MPC1: variants seen among roughly 807,000 people sequenced by gnomAD.
MPC1 encodes the protein mitochondrial pyruvate carrier 1.
MPC1 carries 6 observed loss-of-function variants against 13.9 expected under a neutral mutation model. The ratio of observed to expected loss-of-function variants is 0.43; its 90% CI spans 0.24 to 0.85. The LOEUF is 0.85. Ranked by LOEUF, MPC1 falls within the 40% of genes least tolerant of loss-of-function variation. The probability of loss-of-function intolerance (pLI) is 0.24; values close to 1 mark genes in which losing one functional copy is unlikely to be tolerated. For synonymous variants in MPC1, 47 were observed against 50.5 expected, an observed-to-expected ratio of 0.93 and a Z score of 0.29; for missense variants, 115 against 143.3, an observed-to-expected ratio of 0.80 and a Z score of 1.01.
chr6:166,370,462 T>G, intron 1 of MPC1: 1 of 504,004 alleles, frequency 2.0e-6, no homozygotes, highest in Non-Finnish European at 3.5e-6. Context: ...GGAAAATAAG[T>G]GCAATCCTTA....
Position 166,365,751 on chromosome 6 carries a change from A to C in MPC1, c.305+223T>G, listed in dbSNP as rs931902570. On this transcript the variant is annotated intron_variant, in intron 4 of 4. Transcript: ENST00000360961. The surrounding 1 kb of genome is among the most constrained non-coding windows in gnomAD (Gnocchi z 4.2). Reference sequence around the variant, plus strand: ...TTTGAGTGTCATGTTGGCACTCTAAAGGTTTCATATTTTGGAGCATTTCAG... The same window carrying C: ...TTTGAGTGTCATGTTGGCACTCTAACGGTTTCATATTTTGGAGCATTTCAG... Among the ~76,000 whole-genome samples the C allele has an allele frequency of 6.6e-6, 1 of 152,206 alleles. No individual in the cohort carries two copies. Among genetic ancestry groups the C allele is most frequent in the African/African-American group, 2.4e-5 (1 of 41,450 alleles).
chr6:166,372,845 T>C (rs1776476534), intron 1 of MPC1, among the ~76,000 whole-genome samples: 1 of 152,236 alleles, frequency 6.6e-6, no homozygotes, highest in Admixed American at 6.5e-5. Flanking sequence ...TTCTCTTTAT[T>C]TGGTATGCTG....
intron 1 of MPC1, among the ~76,000 whole-genome samples, chr6:166,376,080 T>C (rs1469041696): frequency 2.0e-5 from 3 of 152,208 alleles, no homozygotes; most frequent in African/African-American, 7.2e-5. Context: ...ACATTAAAGA[T>C]TGTTACCTGT....
chr6:166,378,842 C>G (rs1779663252), intron 1 of MPC1, among the ~76,000 whole-genome samples: 1 of 152,160 alleles, frequency 6.6e-6, no homozygotes, highest in Non-Finnish European at 1.5e-5. Context: ...AAATTGAACA[C>G]TTACTTTTGT....
intron 1 of MPC1, among the ~76,000 whole-genome samples, chr6:166,377,406 T>C (rs2114972709): frequency 6.6e-6 from 1 of 152,296 alleles, no homozygotes; most frequent in East Asian, 1.9e-4. Context: ...GCAGGCAGGC[T>C]GAACCAGGAG....
At chr6:166,367,682 A>G (rs551763679) in intron 2 of MPC1, among the ~76,000 whole-genome samples, 158 of 152,354 alleles carry the variant, frequency 1.0e-3, no homozygotes, top group African/African-American at 3.7e-3. Flanking sequence ...ATTAAAGATG[A>G]AAAATTGTTT....
chr6:166,366,002 T>G lies in MPC1; in HGVS notation c.277A>C (p.Ile93Leu). 1 of 1,613,976 alleles carries G rather than the reference T, an allele frequency of 6.2e-7. No homozygotes were observed. Among genetic ancestry groups the G allele is most frequent in the Non-Finnish European group, 8.5e-7 (1 of 1,179,860 alleles). The part of the protein sequence containing the change: ...CHATNEVAQL[I>L]QGGRLIKHEM... ...TGTTTGATAAGCCGCCCTCCCTGGA[T>G]GAGCTGGGCTACTTCATTTGTTGCG... Residue 93 changes from isoleucine to leucine, a missense_variant, in exon 4 of 5, where the codon ATC (isoleucine) becomes CTC (leucine). By Grantham distance (5) the Ile-to-Leu change is conservative. Transcript: ENST00000360961.
intron 1 of MPC1, among the ~76,000 whole-genome samples, chr6:166,373,956 CTTA>C (rs1350239641): frequency 1.3e-5 from 2 of 152,024 alleles, no homozygotes; most frequent in Non-Finnish European, 2.9e-5. Flanking sequence ...TAGTTCCTTT[CTTA>C]TTGTTGAGTT....
Position 166,371,350 on chromosome 6 carries a change from A to T in MPC1, c.72-1129T>A, listed in dbSNP as rs1384830782. ...AAAAATGTCAATGCTGTTTTCCAGA[A>T]TGTTAAATTTAAAAATACACCAAAA... On this transcript the variant is annotated intron_variant, in intron 1 of 4. Coordinates refer to ENST00000360961, the MANE Select transcript of MPC1 (RefSeq NM_016098.4). Among the ~76,000 whole-genome samples the T allele has an allele frequency of 2.0e-5, 3 of 152,236 alleles. No individual in the cohort carries two copies. The East Asian group carries it at 5.8e-4, about 29-fold the overall frequency.
intron 3 of MPC1, 88 bp downstream of exon 3, chr6:166,366,707 T>G: frequency 7.9e-7 from 1 of 1,263,000 alleles, no homozygotes; most frequent in Non-Finnish European, 1.2e-6. Context: ...TAATAGTGAC[T>G]GTAACATCTA....
chr6:166,378,224 A>G (rs1402640138), intron 1 of MPC1, among the ~76,000 whole-genome samples: 1 of 152,250 alleles, frequency 6.6e-6, no homozygotes, highest in Non-Finnish European at 1.5e-5. Context: ...GGTAGTAAGT[A>G]TAAATTCTGA....
Position 166,366,058 on chromosome 6 carries a change from T to C in MPC1, c.221A>G (p.Gln74Arg), listed in dbSNP as rs763207802. 1.2e-6 allele frequency: 2 copies of C among 1,614,142 alleles called. No homozygotes were observed. Among genetic ancestry groups the C allele is most frequent in the African/African-American group, 1.3e-5 (1 of 75,058 alleles). ...LTFMRFAYKV[Q>R]PRNWLLFACH... ...TGCAAACAGAAGCCAGTTCCGAGGC[T>C]GTACCTTGTAGGCAAATCTCATGAA... Residue 74 changes from glutamine (Q) to arginine (R), a missense_variant, in exon 4 of 5, where the codon CAG becomes CGG. Physicochemically the swap from Gln to Arg is conservative, Grantham distance 43. Transcript: ENST00000360961.
Position 166,382,914 on chromosome 6 carries a change from C to T in MPC1, c.-38G>A. 1 of 1,571,334 alleles carries T rather than the reference C, an allele frequency of 6.4e-7. No homozygotes were observed. Among genetic ancestry groups the T allele is most frequent in the Non-Finnish European group, 8.6e-7 (1 of 1,160,866 alleles). ...ACCAGACCCCGAGTGGTCCCTGCCT[C>T]TGCTGCCGCTTCCCAGAGCCAATGA... On this transcript the variant is annotated 5_prime_UTR_variant, in exon 1 of 5. Transcript: ENST00000360961.
chr6:166,377,287 A>C (rs1277582209), intron 1 of MPC1, among the ~76,000 whole-genome samples: 2 of 152,030 alleles, frequency 1.3e-5, no homozygotes, highest in African/African-American at 4.8e-5. Flanking sequence ...TGATGTGGGC[A>C]CTGGGCCTGC....
rs542782757 is a variant in MPC1, at chr6:166,382,636, A to C, written c.71+170T>G. Among the ~76,000 whole-genome samples the C allele has an allele frequency of 7.9e-5, 12 of 152,180 alleles. No homozygotes were observed. The South Asian group carries it at 2.5e-3, about 32-fold the overall frequency. On this transcript the variant is annotated intron_variant, in intron 1 of 4. Transcript: ENST00000360961. The stretch of plus-strand genomic sequence containing the variant: ...CCGCTTCGGGGTGTGGCGGTCCGGG[A>C]GGGATCCGGGTGGGGCCCCCCTGAC...
chr6:166,371,872 T>C (rs917080137), intron 1 of MPC1, among the ~76,000 whole-genome samples: 2 of 152,212 alleles, frequency 1.3e-5, no homozygotes, highest in Admixed American at 1.3e-4. Flanking sequence ...ATTTTGAGAA[T>C]GTGGTTACTC....
At chr6:166,381,935 T>C (rs1376238729) in intron 1 of MPC1, 3 of 474,250 alleles carry the variant, frequency 6.3e-6, no homozygotes, top group African/African-American at 2.1e-5. Context: ...AGAAGCGCGC[T>C]GGGCGCACCC....
Position 166,365,466 on chromosome 6 carries a change from A to G in MPC1, c.306-13T>C, listed in dbSNP as rs1583054408. 1 of 1,572,010 alleles carries G rather than the reference A, an allele frequency of 6.4e-7. No homozygotes were observed. The highest frequency in any genetic ancestry group is 8.6e-7 in the Non-Finnish European group (1 of 1,157,826). On this transcript the variant is annotated splice_polypyrimidine_tract_variant and intron_variant, in intron 4 of 4. Transcript: ENST00000360961. The surrounding 1 kb of genome is among the most constrained non-coding windows in gnomAD (Gnocchi z 4.2). ...CGTTTTAGTCATCCTGGAAAGAAAC[A>G]AAAAGAAAAATTCAATGAGAAACAA... is the stretch of plus-strand genomic sequence containing the variant.
chr6:166,368,168 A>T (rs1459771862), intron 2 of MPC1, among the ~76,000 whole-genome samples: 1 of 152,222 alleles, frequency 6.6e-6, no homozygotes, highest in East Asian at 1.9e-4. Context: ...TAAGATACTC[A>T]CTACTGCAAC....
Sources: gnomAD v4.1 joint callset for allele counts (sites outside exome capture counted in the v4.1 genomes callset) on GRCh38, gnomAD v4.1.1 for gene constraint, Gnocchi (gnomAD v3.1) non-coding constraint, MANE v1.5 for transcripts, NCBI Gene and HGNC (gene_info 2026-07-23, HGNC 2026-07-21) for gene names.